TMCC3: variants seen among roughly 807,000 people sequenced by gnomAD.
The protein encoded by TMCC3 is transmembrane and coiled-coil domain protein 3.
In TMCC3, 28 loss-of-function variants were observed where a neutral mutation model predicts 40.2. The observed-to-expected ratio is 0.70, with a 90% CI of 0.52 to 0.95. The LOEUF is 0.95. TMCC3 is among the 40% of genes least tolerant of loss of function. The pLI is 0.00. For missense variants in TMCC3, 554 were observed against 615.2 expected (o/e 0.90, Z 1.05); for synonymous variants, 255 against 248.5 (o/e 1.03, Z -0.25).
At chr12:94,637,110 GA>G (rs1448851131) in intron 1 of TMCC3, among the ~76,000 whole-genome samples, 1 of 152,048 alleles carries the variant, frequency 6.6e-6, no homozygotes, top group Non-Finnish European at 1.5e-5. Flanking sequence ...TTAATTAGTA[GA>G]AAACCAATAC....
At chr12:94,578,165 A>AAAAAAAAAAAAAAAAAAAAAAG (rs1467855760) in intron 3 of TMCC3, among the ~76,000 whole-genome samples, 37 of 123,392 alleles carry the variant, frequency 3.0e-4, no homozygotes, top group African/African-American at 8.8e-4. Flanking sequence ...AAAAAAAAAA[A>AAAAAAAAAAAAAAAAAAAAAAG]AAAGAAAAAG....
At chr12:94,636,338 C>T (rs1256541666) in intron 1 of TMCC3, among the ~76,000 whole-genome samples, 1 of 152,152 alleles carries the variant, frequency 6.6e-6, no homozygotes, top group East Asian at 1.9e-4. Flanking sequence ...AAGAATGATA[C>T]AAACCTATAA....
At chr12:94,574,511 G>A (rs1199724844) in intron 3 of TMCC3, among the ~76,000 whole-genome samples, 1 of 152,166 alleles carries the variant, frequency 6.6e-6, no homozygotes, top group East Asian at 1.9e-4. Flanking sequence ...TTGCCCATCT[G>A]TGTTTGCTCA....
rs1452028060 is a variant in TMCC3 at position 94,569,089 on chromosome 12, C to G, written c.*2346G>C. The G allele has an allele frequency of 6.6e-6, 1 of 152,180 alleles. No individual in the cohort carries two copies. Among genetic ancestry groups the G allele is most frequent in the African/African-American group, 2.4e-5 (1 of 41,420 alleles). The allele number at this position is 152,180 out of a possible 1,614,324, so 9.4% of individuals were successfully genotyped here. On this transcript the variant is annotated 3_prime_UTR_variant, in exon 4 of 4. Coordinates refer to ENST00000261226, the MANE Select transcript of TMCC3 (RefSeq NM_020698.4). ...GGTGTGGGCTGGTGTGAAAATGAAGCCTACGTCTTCTTGGACCCTCCCAGA... is the reference window on the plus strand; with the variant it reads ...GGTGTGGGCTGGTGTGAAAATGAAGGCTACGTCTTCTTGGACCCTCCCAGA...
Position 94,649,387 on chromosome 12 carries a change from G to A in TMCC3, c.78+966C>T, listed in dbSNP as rs561758631. ...AGAATCTGAGCCCGGCTCTCCCTCC[G>A]TGAACTTTACACAGAGGCTGACACC... On this transcript the variant is annotated intron_variant, in intron 1 of 3. Transcript: ENST00000261226. 2.6e-5 allele frequency among the ~76,000 whole-genome samples: 4 copies of A among 152,334 alleles called. No homozygotes were observed. In the South Asian group the frequency reaches 8.3e-4, roughly 32 times the overall value.
At chr12:94,640,622 C>T (rs895138852) in intron 1 of TMCC3, among the ~76,000 whole-genome samples, 1 of 152,108 alleles carries the variant, frequency 6.6e-6, no homozygotes, top group Non-Finnish European at 1.5e-5. Flanking sequence ...AATAACAGTG[C>T]AGGTGGTATG....
Position 94,571,296 on chromosome 12 carries a change from TGTA to T in TMCC3, c.*136_*138del, listed in dbSNP as rs779938782. ...GCAACTGCTACGGAGTTAAGAGAAT[TGTA>T]GTTATTTACACCACACAGTCCTAGT... On this transcript the variant is annotated 3_prime_UTR_variant, in exon 4 of 4. Coordinates refer to ENST00000261226, the MANE Select transcript of TMCC3 (RefSeq NM_020698.4). The T allele has an allele frequency of 7.1e-6, 6 of 842,628 alleles. No individual in the cohort carries two copies. The African/African-American group carries it at 1.0e-4, about 15-fold the overall frequency. The allele number at this position is 842,628 out of a possible 1,614,324, so 52.2% of individuals were successfully genotyped here.
intron 3 of TMCC3, among the ~76,000 whole-genome samples, chr12:94,575,607 G>C (rs2068559434): frequency 2.0e-5 from 3 of 152,088 alleles, no homozygotes; most frequent in African/African-American, 7.2e-5. Context: ...AACCTCTCTG[G>C]ATTTTTAAGT....
intron 1 of TMCC3, among the ~76,000 whole-genome samples, chr12:94,618,028 C>T (rs17022931): frequency 0.031 from 4,724 of 152,204 alleles, 232 homozygotes; most frequent in African/African-American, 0.11. Context: ...TAGTACACTC[C>T]GTATATGAGA....
intron 1 of TMCC3, among the ~76,000 whole-genome samples, chr12:94,627,204 T>C (rs1566333353): frequency 6.6e-6 from 1 of 152,092 alleles, no homozygotes; most frequent in Non-Finnish European, 1.5e-5. Flanking sequence ...CTGGCTAAGA[T>C]GATTTCATAC....
intron 1 of TMCC3, among the ~76,000 whole-genome samples, chr12:94,582,820 C>T (rs528192622): frequency 1.3e-5 from 2 of 152,172 alleles, no homozygotes; most frequent in South Asian, 2.1e-4. Flanking sequence ...GTAGAAAACG[C>T]AAAATAGAAT....
At chr12:94,602,081 G>A (rs2138850868) in intron 1 of TMCC3, among the ~76,000 whole-genome samples, 1 of 152,230 alleles carries the variant, frequency 6.6e-6, no homozygotes, top group East Asian at 1.9e-4. Context: ...AAAAAGACAA[G>A]CCACTTGTCC....
intron 1 of TMCC3, among the ~76,000 whole-genome samples, chr12:94,588,429 C>A (rs1215646078): frequency 6.6e-6 from 1 of 152,146 alleles, no homozygotes; most frequent in Non-Finnish European, 1.5e-5. Context: ...GCTATCACAA[C>A]AATGTGACAG....
intron 1 of TMCC3, among the ~76,000 whole-genome samples, chr12:94,625,411 C>T (rs73375890): frequency 0.055 from 8,280 of 151,672 alleles, 441 homozygotes; most frequent in African/African-American, 0.14. Flanking sequence ...CTGGCCAACA[C>T]GGTGAAACCC....
At chr12:94,588,079 A>G (rs1044953549) in intron 1 of TMCC3, among the ~76,000 whole-genome samples, 13 of 151,970 alleles carry the variant, frequency 8.6e-5, no homozygotes, top group African/African-American at 3.1e-4. Context: ...ACCCTGCACC[A>G]CCTCTGCAAT....
At chr12:94,572,200 A>G (rs1445373945) in intron 3 of TMCC3, among the ~76,000 whole-genome samples, 2 of 151,610 alleles carry the variant, frequency 1.3e-5, no homozygotes, top group Non-Finnish European at 2.9e-5. Flanking sequence ...GGGTTTCGCC[A>G]TATTGGCAAG....
At chr12:94,578,634 C>T (rs2068582569) in intron 2 of TMCC3, 105 bp from the exon 3 acceptor site, 1 of 1,249,850 alleles carries the variant, frequency 8.0e-7, no homozygotes, top group Non-Finnish European at 1.1e-6. Context: ...TGCTCTCATT[C>T]CCTGATGGGC....
rs548757280 is a variant in TMCC3 at position 94,581,937 on chromosome 12, A to T, written c.680T>A (p.Leu227Ter). 1 of 1,614,168 alleles carries T rather than the reference A, an allele frequency of 6.2e-7. No homozygotes were observed. The highest frequency in any genetic ancestry group is 1.1e-5 in the South Asian group (1 of 91,080). ...ACTCGCCTCTGGCCTAAACTCCTCT[A>T]AGGAATTTTTCAAGTGAGCAATGTT... Reference protein sequence around the residue: ...ADNIAHLKNSLEEFRPEASAR... With the variant: ...ADNIAHLKNS Residue 227 changes from leucine (L) to a stop codon, truncating the protein, a stop_gained, in exon 2 of 4, where the codon TTA (leucine) becomes TAA (stop). Coordinates refer to ENST00000261226, the MANE Select transcript of TMCC3 (RefSeq NM_020698.4). LOFTEE classifies it high-confidence loss of function.
chr12:94,638,599 C>G (rs1171172148), intron 1 of TMCC3, among the ~76,000 whole-genome samples: 1 of 152,236 alleles, frequency 6.6e-6, no homozygotes, highest in Non-Finnish European at 1.5e-5. Context: ...GATGCCAATA[C>G]ATAGAGTCTG....
Sources: allele counts gnomAD v4.1 joint callset (sites outside exome capture counted in the v4.1 genomes callset), GRCh38; gene constraint gnomAD v4.1.1; transcripts MANE v1.5; gene names NCBI Gene and HGNC (gene_info 2026-07-23, HGNC 2026-07-21).